The following FHIT variants were observed in gnomAD, a reference collection of about 807,000 sequenced individuals.
The protein encoded by FHIT is fragile histidine triad diadenosine triphosphatase, also known as bis(5'-adenosyl)-triphosphatase.
A neutral mutation model predicts 17.9 loss-of-function variants in FHIT; 19 were observed. That is an observed-to-expected ratio of 1.06 (90% CI 0.74 to 1.56). The LOEUF is 1.56. Ranked by LOEUF, FHIT falls within the 40% of genes most tolerant of loss-of-function variation. The probability of loss-of-function intolerance (pLI) is 0.00; values close to 1 mark genes in which losing one functional copy is unlikely to be tolerated. For synonymous variants in FHIT, 81 were observed against 69.7 expected, an observed-to-expected ratio of 1.16 and a Z score of -0.81; for missense variants, 248 against 189.2, an observed-to-expected ratio of 1.31 and a Z score of -1.82.
intron 4 of FHIT, chr3:60,596,094 T>G (rs2038262387): frequency 3.1e-6 from 1 of 323,646 alleles, no homozygotes; most frequent in South Asian, 1.3e-4. Flanking sequence ...TAATTCTTCT[T>G]TCTTACAAAT....
intron 4 of FHIT, among the ~76,000 whole-genome samples, chr3:60,749,958 G>A (rs1223345618): frequency 7.2e-5 from 11 of 152,114 alleles, no homozygotes; most frequent in African/African-American, 2.4e-4. Flanking sequence ...CACTAAACTG[G>A]GAACTTTTTC....
At chr3:61,152,008 C>T (rs1326128041) in intron 2 of FHIT, among the ~76,000 whole-genome samples, 2 of 152,156 alleles carry the variant, frequency 1.3e-5, no homozygotes, top group East Asian at 1.9e-4. Context: ...TTATTGTAAG[C>T]CACTTCCCTT....
chr3:60,051,703 G>A (rs1158934078), intron 5 of FHIT, among the ~76,000 whole-genome samples: 2 of 152,114 alleles, frequency 1.3e-5, no homozygotes, highest in Non-Finnish European at 2.9e-5. Flanking sequence ...CAAAAGTGGA[G>A]GTTTCCCTTC....
At chr3:60,075,882 CT>C (rs1313334801) in intron 5 of FHIT, among the ~76,000 whole-genome samples, 2 of 152,052 alleles carry the variant, frequency 1.3e-5, no homozygotes, top group African/African-American at 4.8e-5. Flanking sequence ...AATGATGTCC[CT>C]TTTTGATCTT....
intron 5 of FHIT, among the ~76,000 whole-genome samples, chr3:60,224,527 T>TC (rs764191768): frequency 7.5e-4 from 114 of 152,064 alleles, no homozygotes; most frequent in Non-Finnish European, 9.7e-4. Context: ...CTCATATCCC[T>TC]CCTAAGCCAT....
intron 5 of FHIT, among the ~76,000 whole-genome samples, chr3:60,383,248 A>T (rs573164751): frequency 6.6e-6 from 1 of 152,314 alleles, no homozygotes; most frequent in African/African-American, 2.4e-5. Context: ...ATCTGTGACC[A>T]CTGGGTGAGA....
chr3:60,109,944 A>C (rs1704597919), intron 5 of FHIT, among the ~76,000 whole-genome samples: 1 of 152,118 alleles, frequency 6.6e-6, no homozygotes, highest in Non-Finnish European at 1.5e-5. Context: ...TTTTCAGCTG[A>C]GTGCTTTGAT....
At chr3:60,996,732 T>C (rs2030702978) in intron 3 of FHIT, among the ~76,000 whole-genome samples, 1 of 152,220 alleles carries the variant, frequency 6.6e-6, no homozygotes, top group African/African-American at 2.4e-5. Context: ...CATTTTAAGA[T>C]AAATGAATTC....
chr3:60,496,661 A>G (rs1464037796), intron 5 of FHIT, among the ~76,000 whole-genome samples: 2 of 152,226 alleles, frequency 1.3e-5, no homozygotes, highest in African/African-American at 4.8e-5. Flanking sequence ...GAGACTCACC[A>G]GTACACTAGG....
chr3:60,506,398 G>C (rs949399602), intron 5 of FHIT, among the ~76,000 whole-genome samples: 3 of 152,306 alleles, frequency 2.0e-5, no homozygotes, highest in African/African-American at 7.2e-5. Context: ...ATATTACAGA[G>C]ATTGTGTTTG....
At chr3:59,767,068 T>C (rs1229526783) in intron 8 of FHIT, among the ~76,000 whole-genome samples, 2 of 152,204 alleles carry the variant, frequency 1.3e-5, no homozygotes, top group African/African-American at 4.8e-5. Flanking sequence ...AACTGTTCTT[T>C]CACATTGCAA....
At chr3:60,607,778 A>G (rs978340996) in intron 4 of FHIT, among the ~76,000 whole-genome samples, 2 of 152,164 alleles carry the variant, frequency 1.3e-5, no homozygotes, top group Non-Finnish European at 2.9e-5. Context: ...ATACATATAT[A>G]CACACATATA....
At chr3:60,184,099 T>C (rs982897837) in intron 5 of FHIT, among the ~76,000 whole-genome samples, 1 of 151,950 alleles carries the variant, frequency 6.6e-6, no homozygotes, top group Non-Finnish European at 1.5e-5. Flanking sequence ...GTGATTCTCC[T>C]GCCTCAGCCT....
chr3:60,955,631 TATACACACACAC>T (rs1559862519), intron 3 of FHIT, among the ~76,000 whole-genome samples: 2 of 46,534 alleles, frequency 4.3e-5, no homozygotes, highest in Non-Finnish European at 9.3e-5. Flanking sequence ...TATATATATA[TATACACACACAC>T]ACATATATAC....
intron 5 of FHIT, among the ~76,000 whole-genome samples, chr3:60,394,474 G>A (rs1178586317): frequency 1.3e-5 from 2 of 152,140 alleles, no homozygotes; most frequent in African/African-American, 4.8e-5. Flanking sequence ...CCAAAATCAA[G>A]AGGACTGAAA....
intron 5 of FHIT, among the ~76,000 whole-genome samples, chr3:60,256,711 C>A (rs1706012997): frequency 6.6e-6 from 1 of 152,194 alleles, no homozygotes; most frequent in Non-Finnish European, 1.5e-5. Context: ...TGCATCCACA[C>A]CTCTGTGCCA....
At chr3:60,254,834 T>C (rs919054797) in intron 5 of FHIT, among the ~76,000 whole-genome samples, 2 of 152,208 alleles carry the variant, frequency 1.3e-5, no homozygotes, top group Non-Finnish European at 2.9e-5. Flanking sequence ...CTAAAGCTTG[T>C]AGTCTGGGGA....
At chr3:60,047,948 A>C (rs746185331) in intron 5 of FHIT, among the ~76,000 whole-genome samples, 15 of 152,208 alleles carry the variant, frequency 9.9e-5, no homozygotes, top group Non-Finnish European at 2.1e-4. Flanking sequence ...TGGGTGGCTT[A>C]AACAGCAGAA....
At chr3:61,167,845 T>A (rs1263167145) in intron 2 of FHIT, among the ~76,000 whole-genome samples, 1 of 152,164 alleles carries the variant, frequency 6.6e-6, no homozygotes, top group East Asian at 1.9e-4. Flanking sequence ...ATAAAACAAC[T>A]CTGTATTTAG....
Sources: gnomAD v4.1 joint callset for allele counts (sites outside exome capture counted in the v4.1 genomes callset) on GRCh38, gnomAD v4.1.1 for gene constraint, MANE v1.5 for transcripts, NCBI Gene and HGNC (gene_info 2026-07-23, HGNC 2026-07-21) for gene names.